SARDH: variants seen among roughly 807,000 people sequenced by gnomAD.
SARDH encodes sarcosine dehydrogenase.
Under a neutral mutation model 109.1 loss-of-function variants are expected in SARDH, and 95 were observed. That is an observed-to-expected ratio of 0.87 (90% CI 0.74 to 1.03). The LOEUF (loss-of-function observed/expected upper bound fraction) is 1.03, where lower values mean the gene tolerates loss of function less well. Ranked by LOEUF, SARDH falls within the 50% of genes least tolerant of loss-of-function variation. The pLI, the probability that SARDH is intolerant of heterozygous loss-of-function variation, is 0.00. For missense variants in SARDH, 1,267 were observed against 1,287.8 expected (o/e 0.98, Z 0.25); for synonymous variants, 572 against 534.8 (o/e 1.07, Z -0.96).
At position 133,666,999 on chromosome 9, in the gene SARDH, G is replaced by C. The variant is rs1052229716; in HGVS notation, c.2496-129C>G. The stretch of plus-strand genomic sequence containing the variant: ...CCGTGGCTCCAGGCAGATAGGGCTG[G>C]CCTACTAGGACTACGCTGGTCCCCA... On this transcript the variant is annotated intron_variant, in intron 19 of 20. Coordinates refer to ENST00000439388, the MANE Select transcript of SARDH (RefSeq NM_001134707.2). This position sits in a 1 kb window ranked among gnomAD's most constrained non-coding sequence, Gnocchi z 5.2. 1.4e-5 allele frequency: 18 copies of C among 1,305,770 alleles called. No individual in the cohort carries two copies. The highest frequency in any genetic ancestry group is 2.5e-5 in the South Asian group (2 of 78,724). 80.9% of individuals were successfully genotyped at this position (1,305,770 alleles called of 1,614,324 possible). A position where few individuals can be genotyped will look rare whatever the true frequency, so the allele number is the denominator to read the frequency against.
chr9:133,717,540 C>A, intron 7 of SARDH, 85 bp from the exon 8 acceptor site: 1 of 1,555,850 alleles, frequency 6.4e-7, no homozygotes. Flanking sequence ...TGATGGCTGC[C>A]AGGCCAGCCT....
intron 16 of SARDH, among the ~76,000 whole-genome samples, chr9:133,687,556 C>T (rs1242615814): frequency 6.6e-6 from 1 of 152,164 alleles, no homozygotes; most frequent in Non-Finnish European, 1.5e-5. Context: ...GCTAGGGTTG[C>T]AGGCATGAGC....
downstream of SARDH, among the ~76,000 whole-genome samples, chr9:133,660,646 C>T (rs1832401073): frequency 6.6e-6 from 1 of 152,112 alleles, no homozygotes. Flanking sequence ...GCTTGGGTCT[C>T]CCTATCTGCC....
chr9:133,702,227 C>T (rs1396273601), intron 13 of SARDH, among the ~76,000 whole-genome samples: 3 of 152,268 alleles, frequency 2.0e-5, no homozygotes, highest in Non-Finnish European at 4.4e-5. Flanking sequence ...CGCTCCTTCC[C>T]GGACAGCTGC....
chr9:133,666,897 G>A lies in SARDH; in HGVS notation c.2496-27C>T, dbSNP rs1178703959. 6.2e-7 allele frequency: 1 copy of A among 1,611,484 alleles called. No homozygotes were observed. Among genetic ancestry groups the A allele is most frequent in the Non-Finnish European group, 8.5e-7 (1 of 1,179,392 alleles). On this transcript the variant is annotated intron_variant, in intron 19 of 20. Coordinates refer to ENST00000439388, the MANE Select transcript of SARDH (RefSeq NM_001134707.2). This position sits in a 1 kb window ranked among gnomAD's most constrained non-coding sequence, Gnocchi z 5.2. ...TGGAAGAAGCAGTAGAGAAAGCTGG[G>A]GCCCCAGAAACCGCAGGGTGGGGAC...
At chr9:133,708,188 C>A (rs1048774702) in intron 11 of SARDH, 99 bp downstream of exon 11, 31 of 1,399,336 alleles carry the variant, frequency 2.2e-5, no homozygotes, top group Non-Finnish European at 2.8e-5. Context: ...CGCACCTGAC[C>A]TGCGGTTGGG....
intron 17 of SARDH, among the ~76,000 whole-genome samples, chr9:133,677,063 T>A (rs1202126290): frequency 1.6e-4 from 24 of 152,030 alleles, no homozygotes; most frequent in Non-Finnish European, 2.9e-4. Context: ...TGGTTGAACC[T>A]GAGAGGCGGA....
intron 1 of SARDH, among the ~76,000 whole-genome samples, chr9:133,735,716 T>C (rs1462512874): frequency 6.6e-6 from 1 of 152,136 alleles, no homozygotes; most frequent in South Asian, 2.1e-4. Context: ...CTCATTCTAA[T>C]AGTAAAAAAA....
downstream of SARDH, among the ~76,000 whole-genome samples, chr9:133,659,786 C>A (rs756082294): frequency 6.6e-5 from 10 of 152,076 alleles, no homozygotes; most frequent in African/African-American, 9.7e-5. Flanking sequence ...AGGCCCCAGC[C>A]TGGAGAGCCA....
chr9:133,662,228 G>A (rs187459822), downstream of SARDH, among the ~76,000 whole-genome samples: 143 of 152,278 alleles, frequency 9.4e-4, no homozygotes, highest in African/African-American at 3.1e-3. This position sits in a 1 kb window ranked among gnomAD's most constrained non-coding sequence, Gnocchi z 5.1. Context: ...GTGCCGTTGC[G>A]TGCATTCCCC....
At position 133,693,857 on chromosome 9, in the gene SARDH, T is replaced by A. The variant is rs1415865075; in HGVS notation, c.1921+401A>T. On this transcript the variant is annotated intron_variant, in intron 15 of 20. Coordinates refer to ENST00000439388, the MANE Select transcript of SARDH (RefSeq NM_001134707.2). The surrounding 1 kb of genome is among the most constrained non-coding windows in gnomAD (Gnocchi z 5.6). ...CTAAGGGCCTATCCAAGCTCCAGAC[T>A]AGAGGGTCACACGGGCCTGAGAAGT... is the stretch of plus-strand genomic sequence containing the variant. 2.0e-5 allele frequency among the ~76,000 whole-genome samples: 3 copies of A among 152,158 alleles called. No individual in the cohort carries two copies. Among genetic ancestry groups the A allele is most frequent in the Non-Finnish European group, 4.4e-5 (3 of 68,014 alleles).
chr9:133,737,759 C>T (rs1373829520), intron 1 of SARDH, among the ~76,000 whole-genome samples: 2 of 152,244 alleles, frequency 1.3e-5, no homozygotes, highest in African/African-American at 4.8e-5. Flanking sequence ...GGGGACAGCC[C>T]AGAGCCCCTC....
At chr9:133,737,231 G>A (rs1032549397) in intron 1 of SARDH, among the ~76,000 whole-genome samples, 6 of 152,234 alleles carry the variant, frequency 3.9e-5, no homozygotes, top group Non-Finnish European at 5.9e-5. Context: ...TCTCAGGCTG[G>A]TCAGGGCTGC....
intron 6 of SARDH, among the ~76,000 whole-genome samples, chr9:133,721,379 T>A (rs1222493483): frequency 1.3e-5 from 2 of 152,242 alleles, no homozygotes; most frequent in East Asian, 3.8e-4. Context: ...CAATCGAGTG[T>A]AAGCAAAGAA....
At position 133,704,671 on chromosome 9, in the gene SARDH, A is replaced by G. The variant is rs963022345; in HGVS notation, c.1554+277T>C. ...GCAGGACACCCCTTCTGCTCTGCCTACAGCCCTTCCCACTTAGGCCATGGA... is the reference window on the plus strand; with the variant it reads ...GCAGGACACCCCTTCTGCTCTGCCTGCAGCCCTTCCCACTTAGGCCATGGA... On this transcript the variant is annotated intron_variant, in intron 12 of 20. Transcript: ENST00000439388. This position sits in a 1 kb window ranked among gnomAD's most constrained non-coding sequence, Gnocchi z 4.5. Among the ~76,000 whole-genome samples, 2 of 152,140 alleles carry G rather than the reference A, an allele frequency of 1.3e-5. No homozygotes were observed. The highest frequency in any genetic ancestry group is 4.8e-5 in the African/African-American group (2 of 41,420).
At chr9:133,663,059 A>T (rs1829937766), downstream of SARDH, among the ~76,000 whole-genome samples, 2 of 152,202 alleles carry the variant, frequency 1.3e-5, no homozygotes, top group Non-Finnish European at 2.9e-5. Context: ...GGAGGAGGGC[A>T]TGGGCAGGAA....
At chr9:133,715,112 C>G (rs2427984) in intron 8 of SARDH, among the ~76,000 whole-genome samples, 42,646 of 152,000 alleles carry the variant, frequency 0.28, 6,501 homozygotes, top group East Asian at 0.34. Context: ...CCTGCCCTCC[C>G]AGGCGCTCCC....
intron 6 of SARDH, among the ~76,000 whole-genome samples, chr9:133,721,057 A>AT (rs1832308216): frequency 6.6e-6 from 1 of 152,218 alleles, no homozygotes; most frequent in Admixed American, 6.5e-5. Flanking sequence ...TTCAACATCC[A>AT]TTTTACAGCG....
At chr9:133,734,329 G>GCATTCATTCACTCATT in intron 1 of SARDH, 126 bp from the exon 2 acceptor site, 1 of 454,334 alleles carries the variant, frequency 2.2e-6, no homozygotes, top group Non-Finnish European at 3.6e-6. Flanking sequence ...CTTCCCCATG[G>GCATTCATTCACTCATT]CATTCATTCA....
Sources: allele counts gnomAD v4.1 joint callset (sites outside exome capture counted in the v4.1 genomes callset), GRCh38; gene constraint gnomAD v4.1.1; non-coding constraint Gnocchi (gnomAD v3.1); transcripts MANE v1.5; gene names NCBI Gene and HGNC (gene_info 2026-07-23, HGNC 2026-07-21).